GREB1L: variants seen among roughly 807,000 people sequenced by gnomAD.
GREB1L encodes the protein GREB1 like retinoic acid receptor coactivator, also known as GREB1-like protein.
A neutral mutation model predicts 200.8 loss-of-function variants in GREB1L; 17 were observed. The observed-to-expected ratio is 0.08, with a 90% CI of 0.06 to 0.13. The LOEUF is 0.13. Among genes scored for constraint, GREB1L ranks in the 10% least tolerant of loss-of-function variants. The pLI is 1.00. For missense variants in GREB1L, 1,657 were observed against 2,367.7 expected (o/e 0.70, Z 6.23); for synonymous variants, 789 against 893.0 (o/e 0.88, Z 2.08).
intron 15 of GREB1L, chr18:21,468,768 T>C (rs931634944): frequency 2.8e-5 from 13 of 456,582 alleles, no homozygotes; most frequent in African/African-American, 2.4e-4. Flanking sequence ...TATGTCCTCT[T>C]CATCTCCTGC....
intron 16 of GREB1L, among the ~76,000 whole-genome samples, chr18:21,475,632 AG>A (rs758537892): frequency 1.3e-5 from 2 of 152,016 alleles, no homozygotes; most frequent in Non-Finnish European, 2.9e-5. Flanking sequence ...CTGGGATTAC[AG>A]GCGTGAGCCA....
At chr18:21,413,832 T>C (rs1008688148) in intron 7 of GREB1L, among the ~76,000 whole-genome samples, 3 of 152,122 alleles carry the variant, frequency 2.0e-5, no homozygotes, top group African/African-American at 7.2e-5. Context: ...AGGAAGAATA[T>C]CCCACTTTGT....
intron 1 of GREB1L, among the ~76,000 whole-genome samples, chr18:21,267,097 C>T (rs1309142933): frequency 1.3e-5 from 2 of 151,600 alleles, no homozygotes; most frequent in Non-Finnish European, 2.9e-5. Flanking sequence ...CCACACTGGG[C>T]TCATCTTTGT....
intron 1 of GREB1L, among the ~76,000 whole-genome samples, chr18:21,279,595 C>T (rs1038143452): frequency 9.9e-5 from 15 of 152,098 alleles, no homozygotes; most frequent in African/African-American, 2.7e-4. Flanking sequence ...AATTTCACTG[C>T]GAATTTAGCG....
At chr18:21,325,066 G>T (rs1337203176) in intron 1 of GREB1L, among the ~76,000 whole-genome samples, 2 of 152,138 alleles carry the variant, frequency 1.3e-5, no homozygotes, top group Non-Finnish European at 2.9e-5. Context: ...ACTGGTAGAA[G>T]TCTGTTTTAT....
At chr18:21,511,872 G>T (rs2037251121) in intron 27 of GREB1L, among the ~76,000 whole-genome samples, 1 of 152,110 alleles carries the variant, frequency 6.6e-6, no homozygotes. Context: ...TCAAACTGCT[G>T]GCCTCAAGTG....
chr18:21,519,714 CTG>C (rs1243288177), intron 31 of GREB1L, among the ~76,000 whole-genome samples: 3 of 152,102 alleles, frequency 2.0e-5, no homozygotes, highest in Admixed American at 6.5e-5. Flanking sequence ...GATGAGGAAA[CTG>C]AGGTATAGTG....
intron 1 of GREB1L, among the ~76,000 whole-genome samples, chr18:21,325,751 T>C (rs1180614747): frequency 1.4e-5 from 2 of 138,472 alleles, no homozygotes; most frequent in Non-Finnish European, 3.0e-5. Context: ...AGGTTGAGGC[T>C]GCAGTGAGCC....
intron 25 of GREB1L, among the ~76,000 whole-genome samples, chr18:21,506,176 C>G (rs773906196): frequency 6.6e-6 from 1 of 152,042 alleles, no homozygotes; most frequent in Non-Finnish European, 1.5e-5. Context: ...GGTGGATCAC[C>G]TGAGGTCAGA....
intron 2 of GREB1L, among the ~76,000 whole-genome samples, chr18:21,370,948 A>G (rs2039849409): frequency 6.6e-6 from 1 of 152,110 alleles, no homozygotes; most frequent in South Asian, 2.1e-4. Flanking sequence ...GGCAGGTGGC[A>G]CATGCCTCTA....
At chr18:21,461,836 A>G (rs1283815244) in intron 15 of GREB1L, among the ~76,000 whole-genome samples, 2 of 152,214 alleles carry the variant, frequency 1.3e-5, no homozygotes, top group African/African-American at 4.8e-5. Context: ...GTTCAAATCT[A>G]TTTTGAAAGG....
At chr18:21,270,954 G>A (rs1282747162) in intron 1 of GREB1L, among the ~76,000 whole-genome samples, 1 of 152,146 alleles carries the variant, frequency 6.6e-6, no homozygotes, top group Non-Finnish European at 1.5e-5. Context: ...AAAAAAACAG[G>A]TAGAAGTCTA....
At chr18:21,503,289 C>T (rs902707174) in intron 23 of GREB1L, among the ~76,000 whole-genome samples, 2 of 151,610 alleles carry the variant, frequency 1.3e-5, no homozygotes, top group Non-Finnish European at 2.9e-5. Context: ...TCACTGCAAC[C>T]TCTGCCTCCT....
intron 1 of GREB1L, among the ~76,000 whole-genome samples, chr18:21,356,140 ATT>A (rs34493144): frequency 2.8e-5 from 4 of 142,266 alleles, no homozygotes; most frequent in Admixed American, 7.0e-5. Flanking sequence ...CACCCAACTA[ATT>A]TTTTTTTTTT....
intron 19 of GREB1L, among the ~76,000 whole-genome samples, chr18:21,493,417 G>T (rs532850083): frequency 6.6e-6 from 1 of 152,272 alleles, no homozygotes; most frequent in Admixed American, 6.5e-5. Flanking sequence ...AAGTGCTTCT[G>T]CAATGTCATC....
At chr18:21,243,093 CAA>C (rs1043439847) in intron 1 of GREB1L, among the ~76,000 whole-genome samples, 6 of 152,048 alleles carry the variant, frequency 3.9e-5, no homozygotes, top group South Asian at 2.1e-4. Context: ...GAATGAGACA[CAA>C]AGAGTTGTGT....
intron 2 of GREB1L, among the ~76,000 whole-genome samples, chr18:21,380,013 T>G (rs2143953206): frequency 6.6e-6 from 1 of 152,320 alleles, no homozygotes; most frequent in South Asian, 2.1e-4. Flanking sequence ...GAGTATAAAC[T>G]TTTTGTAAAA....
chr18:21,350,485 C>T (rs1322641180), intron 1 of GREB1L, among the ~76,000 whole-genome samples: 5 of 151,924 alleles, frequency 3.3e-5, no homozygotes, highest in South Asian at 2.1e-4. Context: ...GTGATCCACC[C>T]GCCTCACCCT....
intron 5 of GREB1L, among the ~76,000 whole-genome samples, chr18:21,400,508 C>T (rs1481179944): frequency 1.3e-5 from 2 of 152,206 alleles, no homozygotes; most frequent in Non-Finnish European, 1.5e-5. Flanking sequence ...CTTTCCTCTT[C>T]GCAGATCAGC....
Sources: allele counts gnomAD v4.1 joint callset (sites outside exome capture counted in the v4.1 genomes callset), GRCh38; gene constraint gnomAD v4.1.1; transcripts MANE v1.5; gene names NCBI Gene and HGNC (gene_info 2026-07-23, HGNC 2026-07-21).